The following CFAP47 variants were observed in gnomAD, a reference collection of about 807,000 sequenced individuals.
CFAP47 encodes cilia- and flagella-associated protein 47.
Under a neutral mutation model 148.1 loss-of-function variants are expected in CFAP47, and 29 were observed. The observed-to-expected ratio is 0.20, with a 90% CI of 0.15 to 0.27. CFAP47 has a LOEUF of 0.27. Among genes scored for constraint, CFAP47 ranks in the 10% least tolerant of loss-of-function variants. The pLI is 1.00. For synonymous variants in CFAP47, 664 were observed against 577.3 expected, an observed-to-expected ratio of 1.15 and a Z score of -2.15; for missense variants, 1,872 against 1,697.5, an observed-to-expected ratio of 1.10 and a Z score of -1.81.
chrX:36,132,757 C>G (rs985641311), intron 33 of CFAP47, among the ~76,000 whole-genome samples: 1 of 111,675 alleles, frequency 9.0e-6, no homozygotes, highest in African/African-American at 3.2e-5. Context: ...TCATCCTATT[C>G]TTACTGAGAG....
At chrX:36,046,037 T>C (rs1390438650) in intron 25 of CFAP47, among the ~76,000 whole-genome samples, 1 of 111,637 alleles carries the variant, frequency 9.0e-6, no homozygotes, top group African/African-American at 3.2e-5. Flanking sequence ...TCCATGTTTT[T>C]ATTCAAGGTA....
chrX:36,185,395 G>A (rs1017422046), intron 40 of CFAP47, among the ~76,000 whole-genome samples: 2 of 110,934 alleles, frequency 1.8e-5, no homozygotes, highest in Non-Finnish European at 3.8e-5. Flanking sequence ...GGGGGTCAGG[G>A]CAGGGGAAGC....
At chrX:36,319,687 AAGT>A (rs1372786334) in intron 57 of CFAP47, among the ~76,000 whole-genome samples, 1 of 111,337 alleles carries the variant, frequency 9.0e-6, no homozygotes, top group Admixed American at 9.6e-5. Context: ...TAGTAATAAA[AAGT>A]AGTATCAGTA....
chrX:36,068,003 A>G (rs866365999), intron 27 of CFAP47, among the ~76,000 whole-genome samples: 1 of 111,813 alleles, frequency 8.9e-6, no homozygotes, highest in Middle Eastern at 4.7e-3. Context: ...CCAGGTATAA[A>G]ATCTTTCCAT....
chrX:35,952,721 AT>A (rs1936185448), intron 6 of CFAP47, among the ~76,000 whole-genome samples: 1 of 111,888 alleles, frequency 8.9e-6, no homozygotes, highest in Non-Finnish European at 1.9e-5. Flanking sequence ...TAAATCCACA[AT>A]TGCCTTATTA....
In CFAP47 at chrX:36,204,959, T is replaced by A. The variant is rs971584499; in HGVS notation, c.6666T>A (p.Thr2222=). The change falls in exon 45 of 64, where the codon ACT becomes ACA. Residue 2222 remains threonine, a splice_region_variant and synonymous_variant. Transcript: ENST00000378653. ...IALLGLTKIE[T]LMLFRISKLR... is the part of the protein sequence containing the mutation. Reference sequence around the variant, plus strand: ...CTAATTTTACTGTTTGTTCACAGACTCTTATGCTCTTTCGTATCTCAAAGT... The same window carrying A: ...CTAATTTTACTGTTTGTTCACAGACACTTATGCTCTTTCGTATCTCAAAGT... 22 of 295,874 alleles carry A rather than the reference T, an allele frequency of 7.4e-5. No individual in the cohort carries two copies. Among genetic ancestry groups the A allele is most frequent in the African/African-American group, 4.9e-4 (18 of 36,460 alleles). The allele number at this position is 295,874 out of a possible 1,213,427, so 24.4% of individuals were successfully genotyped here.
Position 36,073,027 on chromosome X carries a change from A to G in CFAP47, c.4466-112A>G, listed in dbSNP as rs909784068. ...TGACTCAGAATTTCTTTGAGAGCAT[A>G]GAATAATTTGTAGAATAGGTTCTAT... On this transcript the variant is annotated intron_variant, in intron 28 of 63. Transcript: ENST00000378653. 1.6e-5 allele frequency: 8 copies of G among 489,572 alleles called. No homozygotes were observed. The African/African-American group carries it at 1.9e-4, about 12-fold the overall frequency. 40.3% of individuals were successfully genotyped at this position (489,572 alleles called of 1,213,427 possible). A position where few individuals can be genotyped will look rare whatever the true frequency, so the allele number is the denominator to read the frequency against.
intron 2 of CFAP47, among the ~76,000 whole-genome samples, chrX:35,929,632 A>G (rs1381403268): frequency 9.0e-6 from 1 of 111,101 alleles, no homozygotes; most frequent in Non-Finnish European, 1.9e-5. Flanking sequence ...GTTTTTTCCC[A>G]TTCAAAAGCA....
chrX:35,920,171 C>A, intron 1 of CFAP47, 123 bp downstream of exon 1: 1 of 756,562 alleles, frequency 1.3e-6, no homozygotes, highest in Non-Finnish European at 1.8e-6. Context: ...TTGGGCTTCC[C>A]GGGAAACAGT....
chrX:36,347,917 C>G (rs782393860), intron 57 of CFAP47, among the ~76,000 whole-genome samples: 1 of 111,450 alleles, frequency 9.0e-6, no homozygotes, highest in Admixed American at 9.6e-5. Flanking sequence ...TAACCCAGAA[C>G]TTAAAGTATA....
intron 6 of CFAP47, 63 bp from the exon 7 acceptor site, chrX:35,953,529 C>T (rs1936197974): frequency 2.3e-6 from 2 of 871,379 alleles, no homozygotes; most frequent in East Asian, 6.7e-5. Flanking sequence ...GATATTTCCT[C>T]TTACAAGGTG....
chrX:36,254,396 A>G (rs1555998665), intron 49 of CFAP47, among the ~76,000 whole-genome samples: 2 of 111,416 alleles, frequency 1.8e-5, no homozygotes, highest in Non-Finnish European at 3.8e-5. Context: ...TTTAGGGCAG[A>G]GTTTTGTTTT....
chrX:36,013,823 C>T (rs990498432), intron 21 of CFAP47, among the ~76,000 whole-genome samples: 2 of 111,909 alleles, frequency 1.8e-5, no homozygotes, highest in African/African-American at 6.5e-5. Context: ...TTATTGTATG[C>T]AACAGTAGTT....
At chrX:36,175,330 C>T (rs952543637) in intron 39 of CFAP47, among the ~76,000 whole-genome samples, 3 of 112,305 alleles carry the variant, frequency 2.7e-5, no homozygotes, top group African/African-American at 6.5e-5. Flanking sequence ...CTCTTTGTTC[C>T]GTTGCTGTTG....
chrX:36,263,018 T>C (rs782334809), intron 49 of CFAP47, among the ~76,000 whole-genome samples: 2 of 112,374 alleles, frequency 1.8e-5, no homozygotes, highest in South Asian at 7.4e-4. Flanking sequence ...ATGTCTTCTT[T>C]TGAGATATAT....
At position 36,104,701 on chromosome X, in the gene CFAP47, G is replaced by A. The variant is rs1160143724; in HGVS notation, c.5320+10G>A. ...AAAAACTGTCACAAAGGTGAGAAGT[G>A]ATATTTTTCTTTAAACAAATTATTG... On this transcript the variant is annotated intron_variant, in intron 33 of 63. Transcript: ENST00000378653. 2 of 666,840 alleles carry A rather than the reference G, an allele frequency of 3.0e-6. No individual in the cohort carries two copies. Among genetic ancestry groups the A allele is most frequent in the African/African-American group, 4.4e-5 (2 of 45,413 alleles). The allele number at this position is 666,840 out of a possible 1,213,427, so 55.0% of individuals were successfully genotyped here.
At chrX:35,924,166 T>TGTGTGC (rs1160962517) in intron 1 of CFAP47, among the ~76,000 whole-genome samples, 1 of 100,532 alleles carries the variant, frequency 9.9e-6, no homozygotes, top group African/African-American at 4.0e-5. Context: ...TATATGTATA[T>TGTGTGC]ATGTACATGT....
chrX:35,952,077 G>C (rs1936175198), intron 6 of CFAP47, 114 bp downstream of exon 6: 6 of 783,883 alleles, frequency 7.7e-6, no homozygotes, highest in Non-Finnish European at 1.0e-5. Context: ...GAAGGCACAA[G>C]TCAGATTTTT....
At chrX:36,252,383 A>G (rs941618303) in intron 49 of CFAP47, among the ~76,000 whole-genome samples, 1 of 109,996 alleles carries the variant, frequency 9.1e-6, no homozygotes. Context: ...GGGAAATTTC[A>G]GAGTGCCAAC....
Sources: gnomAD v4.1 joint callset for allele counts (sites outside exome capture counted in the v4.1 genomes callset) on GRCh38, gnomAD v4.1.1 for gene constraint, MANE v1.5 for transcripts, NCBI Gene and HGNC (gene_info 2026-07-23, HGNC 2026-07-21) for gene names.